The following TMEM232 variants were observed in gnomAD, a reference collection of about 807,000 sequenced individuals.
TMEM232 encodes transmembrane protein 232.
Under a neutral mutation model 78.8 loss-of-function variants are expected in TMEM232, and 80 were observed. That is an observed-to-expected ratio of 1.01 (90% confidence interval 0.85 to 1.22). The LOEUF (loss-of-function observed/expected upper bound fraction) is 1.22, where lower values mean the gene tolerates loss of function less well. TMEM232 is among the 50% of genes most tolerant of loss of function. The pLI, the probability that TMEM232 is intolerant of heterozygous loss-of-function variation, is 0.00. For missense variants in TMEM232, 881 were observed against 742.2 expected, an observed-to-expected ratio of 1.19 and a Z score of -2.17; for synonymous variants, 297 against 254.3, an observed-to-expected ratio of 1.17 and a Z score of -1.60.
chr5:110,646,772 T>C (rs1158442062), intron 2 of TMEM232, among the ~76,000 whole-genome samples: 4 of 151,786 alleles, frequency 2.6e-5, no homozygotes, highest in African/African-American at 9.7e-5. Context: ...TAGAAAATAC[T>C]TGCAAACCAT....
rs1348465826 is a variant in TMEM232, at chr5:110,585,473, G to T, written c.1277-16848C>A. On this transcript the variant is annotated intron_variant, in intron 10 of 13. Transcript: ENST00000455884. Reference sequence around the variant, plus strand: ...TTTAATTGTTGAAGCAGTGTTGACAGGGTAGAAAATTGTCAGGTTTTCACA... The same window carrying T: ...TTTAATTGTTGAAGCAGTGTTGACATGGTAGAAAATTGTCAGGTTTTCACA... 5.3e-5 allele frequency among the ~76,000 whole-genome samples: 8 copies of T among 152,184 alleles called. No homozygotes were observed. The East Asian group carries it at 1.5e-3, about 29-fold the overall frequency.
intron 2 of TMEM232, among the ~76,000 whole-genome samples, chr5:110,655,900 C>G (rs1580529526): frequency 1.9e-5 from 2 of 104,918 alleles, no homozygotes; most frequent in Non-Finnish European, 3.5e-5. Flanking sequence ...ACTCTGGGGA[C>G]TGTTGTGGGG....
intron 2 of TMEM232, among the ~76,000 whole-genome samples, chr5:110,400,808 A>G (rs1392112768): frequency 6.6e-6 from 1 of 152,084 alleles, no homozygotes; most frequent in African/African-American, 2.4e-5. Context: ...GGGCGGGGGA[A>G]CATCCCTGGT....
chr5:110,548,395 A>C (rs112219181), intron 11 of TMEM232, among the ~76,000 whole-genome samples: 10 of 147,780 alleles, frequency 6.8e-5, no homozygotes, highest in Non-Finnish European at 1.2e-4. Flanking sequence ...TTAAATATTA[A>C]AATATTATAA....
At chr5:110,396,511 T>A (rs577804067) in intron 3 of TMEM232, among the ~76,000 whole-genome samples, 9 of 152,316 alleles carry the variant, frequency 5.9e-5, no homozygotes, top group Admixed American at 1.3e-4. Context: ...GGCATAGAGA[T>A]GTGAGGTATG....
intron 1 of TMEM232, among the ~76,000 whole-genome samples, chr5:110,692,341 G>T (rs1246177964): frequency 6.6e-6 from 1 of 152,226 alleles, no homozygotes; most frequent in Non-Finnish European, 1.5e-5. Context: ...TGGCCGAATA[G>T]CAGCAGCTCC....
intron 11 of TMEM232, among the ~76,000 whole-genome samples, chr5:110,560,970 T>C (rs558730691): frequency 1.3e-5 from 2 of 152,222 alleles, no homozygotes; most frequent in African/African-American, 4.8e-5. Flanking sequence ...AAACAACTTA[T>C]AGAGTGCCAT....
intron 12 of TMEM232, among the ~76,000 whole-genome samples, chr5:110,475,829 A>T (rs1763194010): frequency 6.6e-6 from 1 of 152,000 alleles, no homozygotes. Flanking sequence ...ACTAAAAAAA[A>T]GTACAGCAAA....
intron 1 of TMEM232, among the ~76,000 whole-genome samples, chr5:110,711,637 T>A (rs1437070815): frequency 6.6e-6 from 1 of 152,110 alleles, no homozygotes; most frequent in African/African-American, 2.4e-5. Flanking sequence ...TCCACACACC[T>A]ACAATGAACT....
At chr5:110,399,368 G>T (rs1755507673) in intron 2 of TMEM232, among the ~76,000 whole-genome samples, 1 of 152,074 alleles carries the variant, frequency 6.6e-6, no homozygotes, top group South Asian at 2.1e-4. Context: ...ACTCTCCTCC[G>T]AAGTTTTTTG....
chr5:110,706,795 C>G (rs1218495982), intron 1 of TMEM232, among the ~76,000 whole-genome samples: 1 of 152,062 alleles, frequency 6.6e-6, no homozygotes, highest in Non-Finnish European at 1.5e-5. Flanking sequence ...TGAAAAGACA[C>G]CAGCATAGGA....
chr5:110,667,382 T>C lies in TMEM232; in HGVS notation c.-12-18A>G. ...CATAAATTCTAAAAGGAATATTAAA[T>C]GTATGTTAGCATACAAATGCACTCA... On this transcript the variant is annotated intron_variant, in intron 1 of 13. Coordinates refer to ENST00000455884, the MANE Select transcript of TMEM232 (RefSeq NM_001039763.4). 6.8e-7 allele frequency: 1 copy of C among 1,476,572 alleles called. No individual in the cohort carries two copies. The highest frequency in any genetic ancestry group is 9.0e-7 in the Non-Finnish European group (1 of 1,107,106). 91.5% of individuals were successfully genotyped at this position (1,476,572 alleles called of 1,614,324 possible). A position where few individuals can be genotyped will look rare whatever the true frequency, so the allele number is the denominator to read the frequency against.
chr5:110,652,190 T>C (rs1307466489), intron 2 of TMEM232, among the ~76,000 whole-genome samples: 1 of 152,124 alleles, frequency 6.6e-6, no homozygotes, highest in Admixed American at 6.6e-5. Context: ...AGTATAATAA[T>C]GTGCAATTCA....
intron 2 of TMEM232, among the ~76,000 whole-genome samples, chr5:110,665,506 G>T (rs1229443734): frequency 1.3e-5 from 2 of 152,024 alleles, no homozygotes; most frequent in African/African-American, 4.8e-5. Context: ...GGGAAGCAAG[G>T]CACCTCTTAA....
intron 2 of TMEM232, among the ~76,000 whole-genome samples, chr5:110,402,244 T>A (rs1232760845): frequency 6.6e-6 from 1 of 152,090 alleles, no homozygotes; most frequent in Admixed American, 6.6e-5. Context: ...ACTGCCTTAC[T>A]GATCCATCAT....
chr5:110,495,377 T>A (rs1765535248), intron 12 of TMEM232, among the ~76,000 whole-genome samples: 1 of 151,922 alleles, frequency 6.6e-6, no homozygotes, highest in South Asian at 2.1e-4. Context: ...GATCTCAACA[T>A]CAGGATTTTT....
rs534699563 is a variant in TMEM232 at position 110,412,985 on chromosome 5, A to T, written n.308+11838T>A. Among the ~76,000 whole-genome samples, 3 of 152,300 alleles carry T rather than the reference A, an allele frequency of 2.0e-5. No homozygotes were observed. In the East Asian group the frequency reaches 5.8e-4, roughly 29 times the overall value. On this transcript the variant is annotated intron_variant and non_coding_transcript_variant, in intron 2 of 8. Coordinates refer to the TMEM232 transcript ENST00000507188. ...TTCTACTACTCTTAGTAAAAAATCT[A>T]ACCTGAAATCCATGTGTGATATTTA... is the stretch of plus-strand genomic sequence containing the variant.
chr5:110,533,361 C>G (rs1771841592), intron 11 of TMEM232, among the ~76,000 whole-genome samples: 1 of 152,194 alleles, frequency 6.6e-6, no homozygotes. Flanking sequence ...AACAACAACT[C>G]CTTTCCTTCC....
chr5:110,603,963 T>C (rs532671210), intron 10 of TMEM232, among the ~76,000 whole-genome samples: 5 of 152,318 alleles, frequency 3.3e-5, no homozygotes, highest in African/African-American at 1.2e-4. Flanking sequence ...TGGTTTTGGC[T>C]AAAGACAATA....
Sources: allele counts gnomAD v4.1 joint callset (sites outside exome capture counted in the v4.1 genomes callset), GRCh38; gene constraint gnomAD v4.1.1; transcripts MANE v1.5; gene names NCBI Gene and HGNC (gene_info 2026-07-23, HGNC 2026-07-21).